Variants in SSH2 observed in about 807,000 individuals in gnomAD.
SSH2 encodes slingshot protein phosphatase 2, also known as protein phosphatase Slingshot homolog 2.
SSH2 carries 37 observed loss-of-function variants against 135.2 expected under a neutral mutation model. The observed-to-expected ratio is 0.27, with a 90% CI of 0.21 to 0.36. The LOEUF (loss-of-function observed/expected upper bound fraction) is 0.36, where lower values mean the gene tolerates loss of function less well. SSH2 is among the 10% of genes least tolerant of loss of function. The pLI is 1.00. For synonymous variants in SSH2, 628 were observed against 646.2 expected, an observed-to-expected ratio of 0.97 and a Z score of 0.43; for missense variants, 1,408 against 1,765.3, an observed-to-expected ratio of 0.80 and a Z score of 3.63.
chr17:29,744,344 G>A (rs973876010), intron 3 of SSH2, among the ~76,000 whole-genome samples: 5 of 152,180 alleles, frequency 3.3e-5, no homozygotes, highest in African/African-American at 9.7e-5. Flanking sequence ...GGGCCAGGCC[G>A]AGGGACAGGG....
At chr17:29,900,907 A>C (rs2066538726) in intron 1 of SSH2, among the ~76,000 whole-genome samples, 1 of 152,230 alleles carries the variant, frequency 6.6e-6, no homozygotes, top group Admixed American at 6.5e-5. Context: ...AGACTAGATT[A>C]AGAAAATGTG....
At chr17:29,721,500 G>A (rs1163484682) in intron 3 of SSH2, among the ~76,000 whole-genome samples, 1 of 152,170 alleles carries the variant, frequency 6.6e-6, no homozygotes, top group African/African-American at 2.4e-5. Flanking sequence ...TGGAAGGAAA[G>A]CTAGAATTCT....
chr17:29,722,449 T>A (rs1382865144), intron 3 of SSH2, among the ~76,000 whole-genome samples: 11 of 151,876 alleles, frequency 7.2e-5, no homozygotes, highest in Admixed American at 7.2e-4. Flanking sequence ...ATCGATGGAG[T>A]ACTGATAAGC....
rs553490534 is a variant in SSH2 at position 29,656,649 on chromosome 17, G to A, written c.1033-1042C>T. ...AAACTTTGGGGGAAGAGGTTCTGCT[G>A]ATGATCTGGAGGACACAATTATTAA... is the stretch of plus-strand genomic sequence containing the variant. On this transcript the variant is annotated intron_variant, in intron 11 of 15. Transcript: ENST00000540801. Among the ~76,000 whole-genome samples, 5 of 152,264 alleles carry A rather than the reference G, an allele frequency of 3.3e-5. No individual in the cohort carries two copies. The East Asian group carries it at 9.7e-4, about 29-fold the overall frequency.
chr17:29,745,928 T>A (rs943565210), intron 3 of SSH2, among the ~76,000 whole-genome samples: 2 of 152,192 alleles, frequency 1.3e-5, no homozygotes, highest in African/African-American at 4.8e-5. Context: ...ACTGCACTAT[T>A]ACTGTTAGGT....
intron 3 of SSH2, among the ~76,000 whole-genome samples, chr17:29,722,815 G>A (rs1274407142): frequency 6.6e-6 from 1 of 152,216 alleles, no homozygotes; most frequent in Middle Eastern, 3.2e-3. Context: ...TCAGACATCT[G>A]CCTTTGTGCA....
At chr17:29,785,781 G>A (rs953547307) in intron 3 of SSH2, among the ~76,000 whole-genome samples, 2 of 150,068 alleles carry the variant, frequency 1.3e-5, no homozygotes, top group African/African-American at 2.5e-5. Context: ...TTGCAGGCGC[G>A]AGTCACCGCG....
At chr17:29,646,212 C>G (rs2036362720) in intron 14 of SSH2, among the ~76,000 whole-genome samples, 1 of 152,150 alleles carries the variant, frequency 6.6e-6, no homozygotes. Flanking sequence ...TGGCTTTAAC[C>G]ACCAAAGGGA....
At chr17:29,797,538 G>A (rs777387797) in intron 2 of SSH2, among the ~76,000 whole-genome samples, 1 of 152,040 alleles carries the variant, frequency 6.6e-6, no homozygotes, top group Non-Finnish European at 1.5e-5. Context: ...ATGAATATAC[G>A]AGTTCATTTA....
At chr17:29,771,426 A>G (rs1476021226) in intron 3 of SSH2, among the ~76,000 whole-genome samples, 1 of 152,238 alleles carries the variant, frequency 6.6e-6, no homozygotes, top group Non-Finnish European at 1.5e-5. Context: ...CTTAAGATAT[A>G]TCATCTTTCT....
chr17:29,889,092 C>T (rs1382363296), intron 1 of SSH2, among the ~76,000 whole-genome samples: 2 of 151,606 alleles, frequency 1.3e-5, no homozygotes, highest in Non-Finnish European at 2.9e-5. Flanking sequence ...CAAACAAATA[C>T]CATATACAAA....
intron 12 of SSH2, 52 bp downstream of exon 12, chr17:29,655,509 A>C: frequency 6.5e-7 from 1 of 1,545,966 alleles, no homozygotes; most frequent in Non-Finnish European, 8.9e-7. Context: ...AATGAAGATA[A>C]AACAGGGACT....
At chr17:29,816,799 T>C (rs1208927915) in intron 2 of SSH2, among the ~76,000 whole-genome samples, 1 of 151,996 alleles carries the variant, frequency 6.6e-6, no homozygotes, top group Admixed American at 6.6e-5. Context: ...TAATATAAAT[T>C]AGGCCTAGCT....
chr17:29,687,257 A>ATTCTGTC (rs1421365733), intron 5 of SSH2, among the ~76,000 whole-genome samples: 15 of 152,176 alleles, frequency 9.9e-5, no homozygotes, highest in African/African-American at 3.6e-4. Flanking sequence ...TCCCATGGCT[A>ATTCTGTC]TCTTTTTGTC....
chr17:29,708,853 A>T (rs2039318878), intron 3 of SSH2, among the ~76,000 whole-genome samples: 1 of 151,288 alleles, frequency 6.6e-6, no homozygotes, highest in Non-Finnish European at 1.5e-5. Context: ...GCTGCTTGAT[A>T]CAAAAATGAC....
chr17:29,762,892 G>A (rs1012265876), intron 3 of SSH2, among the ~76,000 whole-genome samples: 2 of 152,146 alleles, frequency 1.3e-5, no homozygotes, highest in African/African-American at 4.8e-5. Flanking sequence ...CACTGAAGCT[G>A]CCTTAGAATT....
At position 29,881,811 on chromosome 17, in the gene SSH2, C is replaced by T. The variant is rs575108010; in HGVS notation, c.64-32882G>A. On this transcript the variant is annotated intron_variant, in intron 1 of 15. Coordinates refer to ENST00000540801, the MANE Select transcript of SSH2 (RefSeq NM_001282129.2). ...CACCACACCCAGCCCACCACTGCGC[C>T]TGGCCCTACTTTGTTAATAAAATGA... Among the ~76,000 whole-genome samples the T allele has an allele frequency of 2.4e-3, 363 of 152,192 alleles. 1 individual carries two copies. The highest frequency in any genetic ancestry group is 4.5e-3 in the Non-Finnish European group (303 of 67,992).
chr17:29,831,608 G>A (rs2042845164), intron 2 of SSH2, among the ~76,000 whole-genome samples: 1 of 135,896 alleles, frequency 7.4e-6, no homozygotes, highest in Non-Finnish European at 1.6e-5. Flanking sequence ...ATGGAGTCTT[G>A]CTCTTGTTGC....
At chr17:29,885,156 G>A (rs758759976) in intron 1 of SSH2, among the ~76,000 whole-genome samples, 6 of 151,868 alleles carry the variant, frequency 4.0e-5, no homozygotes, top group Non-Finnish European at 5.9e-5. Context: ...CTCCCATCAC[G>A]TGCTTTATTA....
Sources: allele counts gnomAD v4.1 joint callset (sites outside exome capture counted in the v4.1 genomes callset), GRCh38; gene constraint gnomAD v4.1.1; transcripts MANE v1.5; gene names NCBI Gene and HGNC (gene_info 2026-07-23, HGNC 2026-07-21).